The following KLHL8 variants were observed in gnomAD, a reference collection of about 807,000 sequenced individuals.
KLHL8 encodes kelch like family member 8, also known as kelch-like protein 8.
KLHL8 carries 38 observed loss-of-function variants against 63.5 expected under a neutral mutation model. That is an observed-to-expected ratio of 0.60 (90% confidence interval 0.46 to 0.78). KLHL8 has a LOEUF of 0.78. Ranked by LOEUF, KLHL8 falls within the 30% of genes least tolerant of loss-of-function variation. The pLI is 0.00. For synonymous variants in KLHL8, 224 were observed against 254.3 expected, an observed-to-expected ratio of 0.88 and a Z score of 1.13; for missense variants, 566 against 752.4, an observed-to-expected ratio of 0.75 and a Z score of 2.90.
chr4:87,210,277 C>T (rs1009304527), intron 1 of KLHL8, among the ~76,000 whole-genome samples: 1 of 152,026 alleles, frequency 6.6e-6, no homozygotes, highest in East Asian at 1.9e-4. Flanking sequence ...GTCAGGAGAT[C>T]GAGACCATCG....
chr4:87,174,772 AAAAT>A (rs1730762323), intron 6 of KLHL8, among the ~76,000 whole-genome samples: 1 of 152,250 alleles, frequency 6.6e-6, no homozygotes, highest in South Asian at 2.1e-4. Context: ...AAGTTGAAAA[AAAAT>A]AGGCAATAAA....
intron 1 of KLHL8, among the ~76,000 whole-genome samples, chr4:87,213,184 T>G (rs959347716): frequency 3.3e-5 from 5 of 152,206 alleles, no homozygotes; most frequent in African/African-American, 1.2e-4. Context: ...ATCATAGTGG[T>G]CTAAAAGTCT....
chr4:87,237,267 T>G (rs141695833), intron 1 of KLHL8, among the ~76,000 whole-genome samples: 4 of 152,176 alleles, frequency 2.6e-5, no homozygotes, highest in Non-Finnish European at 4.4e-5. Context: ...ATTGGAAGAT[T>G]ATAAGGACAC....
At chr4:87,201,055 A>G (rs1237629139) in intron 1 of KLHL8, among the ~76,000 whole-genome samples, 1 of 152,210 alleles carries the variant, frequency 6.6e-6, no homozygotes, top group Non-Finnish European at 1.5e-5. Flanking sequence ...GACAAGTTCC[A>G]CTGATTCCAC....
chr4:87,221,302 G>A (rs1442253890), upstream of KLHL8: 1 of 151,598 alleles, frequency 6.6e-6, no homozygotes, highest in African/African-American at 2.4e-5. Flanking sequence ...GGCTGAGGCA[G>A]GAGAATTGCT....
At chr4:87,217,534 C>T (rs1197148716) in intron 1 of KLHL8, among the ~76,000 whole-genome samples, 1 of 151,900 alleles carries the variant, frequency 6.6e-6, no homozygotes, top group Non-Finnish European at 1.5e-5. Context: ...TTTGTAGACA[C>T]AGGGTTTCGC....
chr4:87,196,487 C>T (rs1398798118), intron 1 of KLHL8, among the ~76,000 whole-genome samples: 2 of 152,098 alleles, frequency 1.3e-5, no homozygotes, highest in East Asian at 1.9e-4. Context: ...TGACAACCTG[C>T]TTAGACCTCG....
intron 1 of KLHL8, chr4:87,220,107 G>A (rs1042218582): frequency 3.9e-5 from 6 of 152,534 alleles, no homozygotes; most frequent in African/African-American, 1.2e-4. Context: ...CAGAGCCAGA[G>A]GCTGGAGCTC....
chr4:87,240,249 A>G (rs1733304518), intron 1 of KLHL8: 1 of 152,222 alleles, frequency 6.6e-6, no homozygotes, highest in Admixed American at 6.5e-5. Flanking sequence ...CCAAGGCAAC[A>G]TAGCTCACCT....
At chr4:87,225,537 C>A (rs1176666851), upstream of KLHL8, among the ~76,000 whole-genome samples, 1 of 152,134 alleles carries the variant, frequency 6.6e-6, no homozygotes, top group African/African-American at 2.4e-5. Context: ...CTGTTGCTTC[C>A]TAAAGGACAA....
At chr4:87,173,503 T>C (rs983571129) in intron 6 of KLHL8, among the ~76,000 whole-genome samples, 5 of 152,280 alleles carry the variant, frequency 3.3e-5, no homozygotes, top group Non-Finnish European at 7.4e-5. Context: ...AACATCGGTG[T>C]CCATTTCAGT....
intron 6 of KLHL8, among the ~76,000 whole-genome samples, chr4:87,171,649 C>T (rs1322078765): frequency 6.6e-6 from 1 of 152,134 alleles, no homozygotes; most frequent in African/African-American, 2.4e-5. Flanking sequence ...TCATAATTGT[C>T]CCTCCCCTTA....
At chr4:87,211,161 A>G (rs968899448) in intron 1 of KLHL8, among the ~76,000 whole-genome samples, 1 of 152,234 alleles carries the variant, frequency 6.6e-6, no homozygotes, top group African/African-American at 2.4e-5. Flanking sequence ...TATGAACACT[A>G]GAGATTATTT....
At chr4:87,234,828 G>A (rs1042306059) in intron 1 of KLHL8, among the ~76,000 whole-genome samples, 12 of 152,082 alleles carry the variant, frequency 7.9e-5, no homozygotes, top group African/African-American at 2.7e-4. Context: ...TTCCCAGTGG[G>A]GCAAGATGTG....
At position 87,183,351 on chromosome 4, in the gene KLHL8, A is replaced by G. The variant is rs778413228; in HGVS notation, c.804T>C (p.Gly268=). Residue 268 remains glycine (G), a synonymous_variant, in exon 4 of 10, where the codon GGT becomes GGC. Transcript: ENST00000273963. ...LPLLPVDFLM[G]VVAKEQIVKQ... Reference sequence around the variant, plus strand: ...TGACAATCTGTTCTTTTGCCACAACACCCATAAGAAAATCAACCGGCAACA... The same window carrying G: ...TGACAATCTGTTCTTTTGCCACAACGCCCATAAGAAAATCAACCGGCAACA... The G allele has an allele frequency of 4.3e-6, 7 of 1,611,360 alleles. No individual in the cohort carries two copies. In the East Asian group the frequency reaches 1.6e-4, roughly 36 times the overall value.
chr4:87,190,645 A>C (rs954864307), intron 2 of KLHL8, among the ~76,000 whole-genome samples: 3 of 9,582 alleles, frequency 3.1e-4, no homozygotes, highest in African/African-American at 1.0e-3. Flanking sequence ...CTCTGTCTTT[A>C]AAAAAAAAAA....
intron 1 of KLHL8, among the ~76,000 whole-genome samples, chr4:87,212,650 G>T (rs1732447016): frequency 6.6e-6 from 1 of 152,130 alleles, no homozygotes; most frequent in African/African-American, 2.4e-5. Flanking sequence ...GCATATCAGT[G>T]TTCTGGTCCA....
At chr4:87,165,449 A>G (rs1730360212) in intron 8 of KLHL8, among the ~76,000 whole-genome samples, 1 of 152,136 alleles carries the variant, frequency 6.6e-6, no homozygotes, top group South Asian at 2.1e-4. Context: ...ACTGAAGTGC[A>G]GTAACACAAT....
intron 1 of KLHL8, among the ~76,000 whole-genome samples, chr4:87,215,269 TAACTAAAGATCC>T (rs1412270201): frequency 6.6e-6 from 1 of 152,222 alleles, no homozygotes; most frequent in African/African-American, 2.4e-5. Flanking sequence ...TGCATTAAAA[TAACTAAAGATCC>T]AACGTAGTGA....
Sources: gnomAD v4.1 joint callset for allele counts (sites outside exome capture counted in the v4.1 genomes callset) on GRCh38, gnomAD v4.1.1 for gene constraint, MANE v1.5 for transcripts, NCBI Gene and HGNC (gene_info 2026-07-23, HGNC 2026-07-21) for gene names.